The following GABBR1 variants were observed in gnomAD, a reference collection of about 807,000 sequenced individuals.
GABBR1 encodes gamma-aminobutyric acid type B receptor subunit 1, also known as GABA-B receptor, R1 subunit.
Under a neutral mutation model 117.7 loss-of-function variants are expected in GABBR1, and 35 were observed. The observed-to-expected ratio is 0.30, with a 90% confidence interval of 0.23 to 0.39. The LOEUF is 0.39. Among genes scored for constraint, GABBR1 ranks in the 10% least tolerant of loss-of-function variants. GABBR1 has a pLI of 1.00. For missense variants in GABBR1, 709 were observed against 1,241.8 expected, an observed-to-expected ratio of 0.57 and a Z score of 6.45; for synonymous variants, 442 against 486.6, an observed-to-expected ratio of 0.91 and a Z score of 1.21.
chr6:29,605,935 C>T lies in GABBR1; in HGVS notation c.2312-239G>A. On this transcript the variant is annotated intron_variant, in intron 19 of 22. Coordinates refer to ENST00000377034, the MANE Select transcript of GABBR1 (RefSeq NM_001470.4). This position sits in a 1 kb window ranked among gnomAD's most constrained non-coding sequence, Gnocchi z 4.2. ...ACAGGAAAGCAATGGTGGCAAGCTG[C>T]TGTCAGTCAGGCAAGGGCTTGTTGA... 1 of 581,694 alleles carries T rather than the reference C, an allele frequency of 1.7e-6. No homozygotes were observed. Among genetic ancestry groups the T allele is most frequent in the South Asian group, 2.1e-5 (1 of 47,512 alleles). The allele number at this position is 581,694 out of a possible 1,614,324, so 36.0% of individuals were successfully genotyped here.
rs1314243318 is a variant in GABBR1, at chr6:29,607,452, T to C, written c.1993-234A>G. Among the ~76,000 whole-genome samples the C allele has an allele frequency of 2.0e-5, 3 of 152,136 alleles. No individual in the cohort carries two copies. Among genetic ancestry groups the C allele is most frequent in the Non-Finnish European group, 4.4e-5 (3 of 68,020 alleles). On this transcript the variant is annotated intron_variant, in intron 16 of 22. Transcript: ENST00000377034. The surrounding 1 kb of genome is among the most constrained non-coding windows in gnomAD (Gnocchi z 5.0). ...CTACTTCCACACCACCAGGGTGATC[T>C]TGCTAAAACCTCCTGGCTTTAGTGG...
intron 6 of GABBR1, among the ~76,000 whole-genome samples, chr6:29,626,285 A>G (rs940129111): frequency 2.0e-5 from 3 of 152,142 alleles, no homozygotes; most frequent in African/African-American, 7.2e-5. Flanking sequence ...CTAGGTGTAT[A>G]GTGATGTTCT....
chr6:29,602,828 C>T lies in GABBR1; in HGVS notation c.*715G>A, dbSNP rs143472859. Reference sequence around the variant, plus strand: ...CAGACCCATGACCATGAGAGGGGCACACGTAGCTGTGAATGCAGGGCACCC... The same window carrying T: ...CAGACCCATGACCATGAGAGGGGCATACGTAGCTGTGAATGCAGGGCACCC... On this transcript the variant is annotated 3_prime_UTR_variant, in exon 23 of 23. Coordinates refer to ENST00000377034, the MANE Select transcript of GABBR1 (RefSeq NM_001470.4). 110 of 360,538 alleles carry T rather than the reference C, an allele frequency of 3.1e-4. No individual in the cohort carries two copies. Among genetic ancestry groups the T allele is most frequent in the African/African-American group, 2.1e-3 (99 of 46,916 alleles). The allele number at this position is 360,538 out of a possible 1,614,324, so 22.3% of individuals were successfully genotyped here.
rs1761986322 is a variant in GABBR1, at chr6:29,606,617, T to C, written c.2218-133A>G. 1.4e-6 allele frequency: 1 copy of C among 715,214 alleles called. No homozygotes were observed. Among genetic ancestry groups the C allele is most frequent in the Non-Finnish European group, 2.5e-6 (1 of 404,012 alleles). 44.3% of individuals were successfully genotyped at this position (715,214 alleles called of 1,614,324 possible). The stretch of plus-strand genomic sequence containing the variant: ...CTGATGCCAAATCTCATTCTAGGCC[T>C]AAGAATGTTTTCCTGAACCCTTGGA... On this transcript the variant is annotated intron_variant, in intron 18 of 22. Transcript: ENST00000377034. The surrounding 1 kb of genome is among the most constrained non-coding windows in gnomAD (Gnocchi z 4.5).
Position 29,606,585 on chromosome 6 carries a change from C to T in GABBR1, c.2218-101G>A, listed in dbSNP as rs1225848736. 3 of 841,812 alleles carry T rather than the reference C, an allele frequency of 3.6e-6. No individual in the cohort carries two copies. Among genetic ancestry groups the T allele is most frequent in the Non-Finnish European group, 6.1e-6 (3 of 488,398 alleles). The allele number at this position is 841,812 out of a possible 1,614,324, so 52.1% of individuals were successfully genotyped here. A position where few individuals can be genotyped will look rare whatever the true frequency, so the allele number is the denominator to read the frequency against. ...CTTCCAACTGTTTTCCTATGAGACC[C>T]TCAATGCTGATGCCAAATCTCATTC... is the stretch of plus-strand genomic sequence containing the variant. On this transcript the variant is annotated intron_variant, in intron 18 of 22. Coordinates refer to ENST00000377034, the MANE Select transcript of GABBR1 (RefSeq NM_001470.4). This position sits in a 1 kb window ranked among gnomAD's most constrained non-coding sequence, Gnocchi z 4.5.
chr6:29,609,269 C>T lies in GABBR1; in HGVS notation c.1819G>A (p.Val607Ile). The change falls in exon 15 of 23, where the codon GTT (valine) becomes ATT (isoleucine). Residue 607 changes from valine (V) to isoleucine (I), a missense_variant. Coordinates refer to ENST00000377034, the MANE Select transcript of GABBR1 (RefSeq NM_001470.4). This position sits in a 1 kb window ranked among gnomAD's most constrained non-coding sequence, Gnocchi z 4.3. ...VLSSLGIVLA[V>I]VCLSFNIYNS... ...TAGATGTTAAAGGACAGACAGACAA[C>T]AGCTAGGACAATGCCCAGGCTGGAG... 6.2e-7 allele frequency: 1 copy of T among 1,613,032 alleles called. No individual in the cohort carries two copies. Among genetic ancestry groups the T allele is most frequent in the Middle Eastern group, 1.6e-4 (1 of 6,062 alleles).
Position 29,622,314 on chromosome 6 carries a change from G to T in GABBR1, c.964-109C>A. On this transcript the variant is annotated intron_variant, in intron 8 of 22. Transcript: ENST00000377034. The surrounding 1 kb of genome is among the most constrained non-coding windows in gnomAD (Gnocchi z 4.6). ...AGCAATACTCAGATAGAGCAAAGAAGCAGCCATTCTGAACCTTCCTTCAAC... is the reference window on the plus strand; with the variant it reads ...AGCAATACTCAGATAGAGCAAAGAATCAGCCATTCTGAACCTTCCTTCAAC... 4.0e-6 allele frequency: 3 copies of T among 743,754 alleles called. No homozygotes were observed. In the Admixed American group the frequency reaches 6.3e-5, roughly 16 times the overall value. The allele number at this position is 743,754 out of a possible 1,614,324, so 46.1% of individuals were successfully genotyped here. A position where few individuals can be genotyped will look rare whatever the true frequency, so the allele number is the denominator to read the frequency against.
In GABBR1 at chr6:29,604,931, C is replaced by A. The variant is rs1406430974; in HGVS notation, c.2497G>T (p.Ala833Ser). 1 of 1,613,060 alleles carries A rather than the reference C, an allele frequency of 6.2e-7. No homozygotes were observed. The highest frequency in any genetic ancestry group is 8.5e-7 in the Non-Finnish European group (1 of 1,179,990). ...ATGGCAAGAGAGGCAAAGGCAAAGG[C>A]TGCATCCTGCTGGCTGGACAGAATC... ...TMILSSQQDA[A>S]FAFASLAIVF... Residue 833 changes from alanine (A) to serine (S), a missense_variant, in exon 21 of 23, where the codon GCC (alanine) becomes TCC (serine). Around this residue, in one of 9 missense-constraint regions of GABBR1, gnomAD observed 251 missense variants for 445.3 expected, o/e 0.56. Coordinates refer to ENST00000377034, the MANE Select transcript of GABBR1 (RefSeq NM_001470.4). The surrounding 1 kb of genome is among the most constrained non-coding windows in gnomAD (Gnocchi z 5.3).
At position 29,627,898 on chromosome 6, in the gene GABBR1, A is replaced by G. The variant is rs2127445360; in HGVS notation, c.497-252T>C. 1 of 1,356,112 alleles carries G rather than the reference A, an allele frequency of 7.4e-7. No homozygotes were observed. Among genetic ancestry groups the G allele is most frequent in the Non-Finnish European group, 9.4e-7 (1 of 1,063,060 alleles). The allele number at this position is 1,356,112 out of a possible 1,614,324, so 84.0% of individuals were successfully genotyped here. ...TGCCGGGGAGGCGCCTCCATCCCTGATTTTGTGGGGAGGAGGGGGCGAGGG... is the reference window on the plus strand; with the variant it reads ...TGCCGGGGAGGCGCCTCCATCCCTGGTTTTGTGGGGAGGAGGGGGCGAGGG... On this transcript the variant is annotated intron_variant, in intron 5 of 22. Coordinates refer to ENST00000377034, the MANE Select transcript of GABBR1 (RefSeq NM_001470.4). The surrounding 1 kb of genome is among the most constrained non-coding windows in gnomAD (Gnocchi z 4.4).
rs141467090 is a variant in GABBR1, at chr6:29,622,852, CCTCT to C, written c.963+449_963+452del. ...GCCCCTCTCTCTCCTCTCCCTCATT[CCTCT>C]CTCTCTCTCTCTTTCCTCTCCCTCT... On this transcript the variant is annotated intron_variant, in intron 8 of 22. Coordinates refer to ENST00000377034, the MANE Select transcript of GABBR1 (RefSeq NM_001470.4). This position sits in a 1 kb window ranked among gnomAD's most constrained non-coding sequence, Gnocchi z 4.6. Among the ~76,000 whole-genome samples the C allele has an allele frequency of 7.3e-5, 11 of 150,318 alleles. No individual in the cohort carries two copies. The South Asian group carries it at 1.1e-3, about 14-fold the overall frequency.
rs1234256649 is a variant in GABBR1, at chr6:29,620,711, CAAGAA to C, written c.1323+385_1323+389del. Among the ~76,000 whole-genome samples, 1 of 152,066 alleles carries C rather than the reference CAAGAA, an allele frequency of 6.6e-6. No homozygotes were observed. The highest frequency in any genetic ancestry group is 1.5e-5 in the Non-Finnish European group (1 of 68,012). On this transcript the variant is annotated intron_variant, in intron 11 of 22. Coordinates refer to ENST00000377034, the MANE Select transcript of GABBR1 (RefSeq NM_001470.4). This position sits in a 1 kb window ranked among gnomAD's most constrained non-coding sequence, Gnocchi z 4.5. ...ACTCTAAAACACTAACATAAATCAC[CAAGAA>C]AATGAAATGCAATTCTGCCCAGACA...
intron 11 of GABBR1, among the ~76,000 whole-genome samples, chr6:29,619,482 G>A (rs1763525587): frequency 6.6e-6 from 1 of 152,086 alleles, no homozygotes; most frequent in African/African-American, 2.4e-5. Context: ...CCAATGCTCA[G>A]GTGTCCCTCT....
chr6:29,603,760 G>A (rs1302755508), intron 22 of GABBR1, 44 bp from the exon 23 acceptor site: 5 of 1,401,582 alleles, frequency 3.6e-6, no homozygotes, highest in African/African-American at 1.4e-5. Context: ...AAGAGGAGGT[G>A]ATGAAGGAGT....
Position 29,621,871 on chromosome 6 carries a change from C to T in GABBR1, c.1066-54G>A. On this transcript the variant is annotated intron_variant, in intron 9 of 22. Coordinates refer to ENST00000377034, the MANE Select transcript of GABBR1 (RefSeq NM_001470.4). This position sits in a 1 kb window ranked among gnomAD's most constrained non-coding sequence, Gnocchi z 5.0. ...GGGATGCCCGGGAATGCCTGAGGGG[C>T]TAAGCCAGATGTCTTCACAGCTTTG... 2 of 1,573,396 alleles carry T rather than the reference C, an allele frequency of 1.3e-6. No homozygotes were observed. Among genetic ancestry groups the T allele is most frequent in the East Asian group, 2.2e-5 (1 of 44,648 alleles).
chr6:29,610,658 AC>A (rs933256334), intron 14 of GABBR1, among the ~76,000 whole-genome samples: 12 of 149,792 alleles, frequency 8.0e-5, no homozygotes, highest in Admixed American at 7.3e-4. Context: ...CCCTCTGCCC[AC>A]CCCCTGCCTC....
intron 6 of GABBR1, among the ~76,000 whole-genome samples, chr6:29,626,924 T>G (rs961165358): frequency 4.6e-5 from 7 of 152,102 alleles, no homozygotes. Flanking sequence ...GGGTTGGGAA[T>G]AGAAGGATGA....
chr6:29,606,156 C>T lies in GABBR1; in HGVS notation c.2311+235G>A. ...CCCCCACTTGTTCCTCTGCTGAACA[C>T]AAGTTCTTCATCTGTGCTTTCTGTG... On this transcript the variant is annotated intron_variant, in intron 19 of 22. Coordinates refer to ENST00000377034, the MANE Select transcript of GABBR1 (RefSeq NM_001470.4). The surrounding 1 kb of genome is among the most constrained non-coding windows in gnomAD (Gnocchi z 4.5). 1 of 568,134 alleles carries T rather than the reference C, an allele frequency of 1.8e-6. No individual in the cohort carries two copies. The highest frequency in any genetic ancestry group is 3.1e-6 in the Non-Finnish European group (1 of 319,800). The allele number at this position is 568,134 out of a possible 1,614,324, so 35.2% of individuals were successfully genotyped here. A position where few individuals can be genotyped will look rare whatever the true frequency, so the allele number is the denominator to read the frequency against.
Position 29,630,912 on chromosome 6 carries a change from A to G in GABBR1, c.290-269T>C, listed in dbSNP as rs1435558514. On this transcript the variant is annotated intron_variant, in intron 3 of 22. Transcript: ENST00000377034. The surrounding 1 kb of genome is among the most constrained non-coding windows in gnomAD (Gnocchi z 4.9). ...ATGGGATCTCTTCAAAGTCAGCTAC[A>G]GTGGGCGGTTCTCTGGCTTTGAAAT... Among the ~76,000 whole-genome samples, 1 of 152,202 alleles carries G rather than the reference A, an allele frequency of 6.6e-6. No homozygotes were observed. Among genetic ancestry groups the G allele is most frequent in the Non-Finnish European group, 1.5e-5 (1 of 68,024 alleles).
At chr6:29,617,201 G>A (rs190731047) in intron 11 of GABBR1, among the ~76,000 whole-genome samples, 627 of 151,698 alleles carry the variant, frequency 4.1e-3, no homozygotes, top group African/African-American at 0.012. Flanking sequence ...TTTTCTCTAC[G>A]TGAATTTCCT....
Sources: allele counts gnomAD v4.1 joint callset (sites outside exome capture counted in the v4.1 genomes callset), GRCh38; gene constraint gnomAD v4.1.1; regional missense constraint gnomAD v4.1.1; non-coding constraint Gnocchi (gnomAD v3.1); transcripts MANE v1.5; gene names NCBI Gene and HGNC (gene_info 2026-07-23, HGNC 2026-07-21).